FAM13B: variants seen among roughly 807,000 people sequenced by gnomAD.
FAM13B encodes the protein family with sequence similarity 13 member B, also known as protein FAM13B.
FAM13B carries 60 observed loss-of-function variants against 117.3 expected under a neutral mutation model. That is an observed-to-expected ratio of 0.51 (90% CI 0.42 to 0.63). FAM13B has a LOEUF of 0.63. Ranked by LOEUF, FAM13B falls within the 30% of genes least tolerant of loss-of-function variation. The pLI is 0.00. For missense variants in FAM13B, 972 were observed against 1,091.9 expected, an observed-to-expected ratio of 0.89 and a Z score of 1.55; for synonymous variants, 332 against 356.1, an observed-to-expected ratio of 0.93 and a Z score of 0.76.
chr5:137,960,609 T>C (rs1767873606), intron 11 of FAM13B, among the ~76,000 whole-genome samples: 1 of 152,306 alleles, frequency 6.6e-6, no homozygotes, highest in East Asian at 1.9e-4. Flanking sequence ...CTTGAGACTT[T>C]CAAAGAAAAC....
Position 137,942,985 on chromosome 5 carries a change from T to G in FAM13B, c.2478A>C (p.Lys826Asn). Reference sequence around the variant, plus strand: ...ATGAAGACTGTACCTGTACTGCAGTTTTCAACATATCACCTAACTCAGAGG... The same window carrying G: ...ATGAAGACTGTACCTGTACTGCAGTGTTCAACATATCACCTAACTCAGAGG... ...NLSSELGDML[K>N]TAVQVQSSLE... Residue 826 changes from lysine to asparagine, a missense_variant, in exon 22 of 24, where the codon AAA becomes AAC. Lys to Asn is a moderately conservative substitution (Grantham distance 94, BLOSUM62 0). Coordinates refer to ENST00000689681, the MANE Select transcript of FAM13B (RefSeq NM_001385994.1). 2 of 1,613,434 alleles carry G rather than the reference T, an allele frequency of 1.2e-6. No individual in the cohort carries two copies. Among genetic ancestry groups the G allele is most frequent in the South Asian group, 2.2e-5 (2 of 90,914 alleles).
chr5:137,961,265 T>C (rs928979494), intron 11 of FAM13B, among the ~76,000 whole-genome samples: 1 of 152,042 alleles, frequency 6.6e-6, no homozygotes, highest in African/African-American at 2.4e-5. Flanking sequence ...AAAAACCAGT[T>C]TGCTAACTTA....
chr5:137,975,080 A>T (rs1404877060), intron 10 of FAM13B, among the ~76,000 whole-genome samples: 3 of 152,202 alleles, frequency 2.0e-5, no homozygotes, highest in Admixed American at 2.0e-4. Flanking sequence ...AATGCCTAAA[A>T]TATTTACTGT....
At chr5:137,963,984 G>C (rs1336804357) in intron 10 of FAM13B, among the ~76,000 whole-genome samples, 3 of 152,174 alleles carry the variant, frequency 2.0e-5, no homozygotes, top group Admixed American at 2.0e-4. Flanking sequence ...CTCTGCTCTA[G>C]AAGATAGCTT....
chr5:137,987,746 A>T (rs1777593726), intron 8 of FAM13B, 130 bp from the exon 9 acceptor site: 1 of 757,812 alleles, frequency 1.3e-6, no homozygotes, highest in Non-Finnish European at 2.0e-6. Flanking sequence ...AAGTGTAAAA[A>T]GAAATACATA....
chr5:137,983,176 T>TAA (rs56880991), intron 10 of FAM13B, among the ~76,000 whole-genome samples: 21 of 75,096 alleles, frequency 2.8e-4, no homozygotes, highest in African/African-American at 9.1e-4. Flanking sequence ...CCAGTGTAGG[T>TAA]AAAAAAAAAA....
chr5:137,979,015 T>G (rs1380153140), intron 10 of FAM13B, among the ~76,000 whole-genome samples: 1 of 145,270 alleles, frequency 6.9e-6, no homozygotes, highest in Non-Finnish European at 1.5e-5. Context: ...AGTTCAGACT[T>G]TTTTTTTTTT....
chr5:137,999,911 G>T (rs1015404213), intron 7 of FAM13B, among the ~76,000 whole-genome samples: 2 of 151,954 alleles, frequency 1.3e-5, no homozygotes, highest in African/African-American at 4.8e-5. Context: ...ACCTCCCAAA[G>T]GCCCCACTTC....
At chr5:137,989,318 G>A (rs1282474342) in intron 7 of FAM13B, among the ~76,000 whole-genome samples, 1 of 152,196 alleles carries the variant, frequency 6.6e-6, no homozygotes, top group Non-Finnish European at 1.5e-5. Context: ...CATTCACTCA[G>A]CAATCTTCAT....
chr5:137,981,788 G>GAA (rs546850184), intron 10 of FAM13B, among the ~76,000 whole-genome samples: 6 of 140,968 alleles, frequency 4.3e-5, no homozygotes, highest in African/African-American at 5.2e-5. Context: ...TCCATCTCAG[G>GAA]AAAAAAAAAA....
chr5:138,047,616 G>C (rs1208842712), intron 1 of FAM13B, among the ~76,000 whole-genome samples: 1 of 152,196 alleles, frequency 6.6e-6, no homozygotes, highest in Non-Finnish European at 1.5e-5. Flanking sequence ...TTGCTCAACT[G>C]ACCCAGAGAT....
chr5:137,942,068 C>G, intron 22 of FAM13B, 23 bp from the exon 23 acceptor site: 1 of 1,551,142 alleles, frequency 6.4e-7, no homozygotes, highest in Non-Finnish European at 8.9e-7. Context: ...TGGTAAAATA[C>G]TGAAGGGCAC....
chr5:137,989,896 G>T (rs1257626325), intron 7 of FAM13B, among the ~76,000 whole-genome samples: 1 of 151,914 alleles, frequency 6.6e-6, no homozygotes, highest in East Asian at 1.9e-4. Context: ...AAGCTGGGGG[G>T]AAAAAACCCC....
At chr5:137,952,739 A>C (rs761325378) in intron 16 of FAM13B, 30 bp from the exon 17 acceptor site, 2 of 1,318,008 alleles carry the variant, frequency 1.5e-6, no homozygotes, top group Non-Finnish European at 1.1e-6. Flanking sequence ...AATCACTGAC[A>C]CTTGTGATAA....
chr5:137,950,922 C>T (rs1764769012), intron 17 of FAM13B, among the ~76,000 whole-genome samples: 2 of 152,176 alleles, frequency 1.3e-5, no homozygotes, highest in South Asian at 4.1e-4. Flanking sequence ...GAGACATTAT[C>T]TTGGCCGGGT....
In FAM13B at chr5:137,938,071, TAC is replaced by T. The variant is rs1248747029; in HGVS notation, c.*2152_*2153del. 2.0e-5 allele frequency: 3 copies of T among 152,202 alleles called. No individual in the cohort carries two copies. Among genetic ancestry groups the T allele is most frequent in the African/African-American group, 4.8e-5 (2 of 41,452 alleles). 9.4% of individuals were successfully genotyped at this position (152,202 alleles called of 1,614,324 possible). A position where few individuals can be genotyped will look rare whatever the true frequency, so the allele number is the denominator to read the frequency against. ...TCTATATATTATTTGTATATAGATA[TAC>T]AGTTTTTATTTGTACCAAAGTAAAA... On this transcript the variant is annotated 3_prime_UTR_variant, in exon 24 of 24. Transcript: ENST00000689681.
At chr5:138,024,108 CCTTCA>C (rs1787527807) in intron 1 of FAM13B, among the ~76,000 whole-genome samples, 1 of 151,952 alleles carries the variant, frequency 6.6e-6, no homozygotes, top group East Asian at 1.9e-4. Flanking sequence ...ATAAATATTC[CCTTCA>C]CATCTGTGGT....
chr5:138,029,371 A>G (rs1789312226), intron 1 of FAM13B, among the ~76,000 whole-genome samples: 1 of 152,274 alleles, frequency 6.6e-6, no homozygotes, highest in African/African-American at 2.4e-5. Context: ...CACCAAGAGT[A>G]ATTCATAAAG....
Position 137,962,472 on chromosome 5 carries a change from G to T in FAM13B, c.1180-3C>A. 6.2e-7 allele frequency: 1 copy of T among 1,611,580 alleles called. No homozygotes were observed. The highest frequency in any genetic ancestry group is 1.1e-5 in the South Asian group (1 of 90,392). On this transcript the variant is annotated splice_polypyrimidine_tract_variant and splice_region_variant and intron_variant, in intron 10 of 23. Transcript: ENST00000689681. ...GGCTCTAACAATATACCTACAGACT[G>T]ACAAAAAGAACACTACCATGTATTA...
Sources: allele counts gnomAD v4.1 joint callset (sites outside exome capture counted in the v4.1 genomes callset), GRCh38; gene constraint gnomAD v4.1.1; transcripts MANE v1.5; gene names NCBI Gene and HGNC (gene_info 2026-07-23, HGNC 2026-07-21).